Variants in HEATR3 observed in about 807,000 individuals in gnomAD.
HEATR3 encodes HEAT repeat containing 3.
In HEATR3, 56 loss-of-function variants were observed where a neutral mutation model predicts 72.8. That is an observed-to-expected ratio of 0.77 (90% CI 0.62 to 0.96). The LOEUF is 0.96. HEATR3 is among the 40% of genes least tolerant of loss of function. The pLI, the probability that HEATR3 is intolerant of heterozygous loss-of-function variation, is 0.00. For synonymous variants in HEATR3, 331 were observed against 318.1 expected (o/e 1.04, Z -0.43); for missense variants, 747 against 831.4 (o/e 0.90, Z 1.25).
chr16:50,086,896 T>A (rs1470206424), intron 11 of HEATR3, among the ~76,000 whole-genome samples: 2 of 152,170 alleles, frequency 1.3e-5, no homozygotes, highest in African/African-American at 4.8e-5. Flanking sequence ...GCCATTGCAC[T>A]CCAGCCTGGG....
At chr16:50,067,246 T>C (rs1364206225) in intron 2 of HEATR3, among the ~76,000 whole-genome samples, 1 of 151,728 alleles carries the variant, frequency 6.6e-6, no homozygotes, top group Non-Finnish European at 1.5e-5. Flanking sequence ...TCCCAGCTAC[T>C]CAGGAGGCTG....
chr16:50,083,796 C>G (rs2036923167), intron 7 of HEATR3, 141 bp from the exon 8 acceptor site: 1 of 662,138 alleles, frequency 1.5e-6, no homozygotes, highest in South Asian at 2.0e-5. Flanking sequence ...CACTTCATGA[C>G]TTTTCTTTTA....
At chr16:50,094,665 T>G in intron 11 of HEATR3, 40 bp from the exon 12 acceptor site, 1 of 1,257,854 alleles carries the variant, frequency 8.0e-7, no homozygotes, top group Non-Finnish European at 1.1e-6. Flanking sequence ...TAGCCTATCT[T>G]GGAGAAATGC....
chr16:50,094,769 A>T lies in HEATR3; in HGVS notation c.1575A>T (p.Thr525=). ...GTGCTTTGAGGGCCCTTTTGCAAAC[A>T]ATGGCCTCCAAGAACATTTCCCAGG... The part of the protein sequence containing the change: ...ISSALRALLQ[T]MASKNISQCM... The change falls in exon 12 of 15, where the codon ACA becomes ACT. Residue 525 remains threonine (T), a synonymous_variant. Transcript: ENST00000299192. 6.3e-7 allele frequency: 1 copy of T among 1,597,526 alleles called. No individual in the cohort carries two copies.
chr16:50,094,743 A>G lies in HEATR3; in HGVS notation c.1549A>G (p.Ser517Gly). Residue 517 changes from serine (S) to glycine (G), a missense_variant, in exon 12 of 15, where the codon AGT (serine) becomes GGT (glycine). Around this residue, in one of 2 missense-constraint regions of HEATR3, gnomAD observed 586 missense variants for 708.8 expected, o/e 0.83. Coordinates refer to ENST00000299192, the MANE Select transcript of HEATR3 (RefSeq NM_182922.4). Reference sequence around the variant, plus strand: ...TGTTGACTTTCTAGAAGCCATAAGTAGTGCTTTGAGGGCCCTTTTGCAAAC... The same window carrying G: ...TGTTGACTTTCTAGAAGCCATAAGTGGTGCTTTGAGGGCCCTTTTGCAAAC... ...KHVDFLEAIS[S>G]ALRALLQTMA... is the part of the protein sequence containing the mutation. The G allele has an allele frequency of 6.3e-7, 1 of 1,594,696 alleles. No homozygotes were observed. The highest frequency in any genetic ancestry group is 8.5e-7 in the Non-Finnish European group (1 of 1,172,718).
chr16:50,082,798 T>G (rs1469205352), intron 7 of HEATR3, among the ~76,000 whole-genome samples: 1 of 151,764 alleles, frequency 6.6e-6, no homozygotes, highest in African/African-American at 2.4e-5. Context: ...TTTCTTTTTC[T>G]TTTTCTTTTT....
At chr16:50,077,084 C>G (rs8044237) in intron 6 of HEATR3, among the ~76,000 whole-genome samples, 10,023 of 152,036 alleles carry the variant, frequency 0.066, 451 homozygotes, top group Middle Eastern at 0.14. Context: ...CTGTGTTAGC[C>G]AGGATGGTCT....
At chr16:50,068,366 CT>C (rs2036543629) in intron 2 of HEATR3, among the ~76,000 whole-genome samples, 1 of 152,086 alleles carries the variant, frequency 6.6e-6, no homozygotes, top group Non-Finnish European at 1.5e-5. Flanking sequence ...TCTTGAATTC[CT>C]GAGCTCAATT....
chr16:50,106,583 C>T lies in HEATR3; in HGVS notation c.*1522C>T, dbSNP rs1294818710. The stretch of plus-strand genomic sequence containing the variant: ...GAAGTACTAGGTGACAGCTGGGGCT[C>T]GAGGGAGTTTCCCTGTGCATCATTG... On this transcript the variant is annotated 3_prime_UTR_variant, in exon 15 of 15. Coordinates refer to ENST00000299192, the MANE Select transcript of HEATR3 (RefSeq NM_182922.4). 1 of 151,934 alleles carries T rather than the reference C, an allele frequency of 6.6e-6. No individual in the cohort carries two copies. Among genetic ancestry groups the T allele is most frequent in the Non-Finnish European group, 1.5e-5 (1 of 68,018 alleles). The allele number at this position is 151,934 out of a possible 1,614,324, so 9.4% of individuals were successfully genotyped here.
At chr16:50,088,442 G>A (rs1341106331) in intron 11 of HEATR3, among the ~76,000 whole-genome samples, 1 of 152,158 alleles carries the variant, frequency 6.6e-6, no homozygotes, top group Admixed American at 6.6e-5. Flanking sequence ...CATGAAAGCT[G>A]TGCCCAGCCA....
Position 50,068,927 on chromosome 16 carries a change from T to C in HEATR3, c.399+60T>C, listed in dbSNP as rs570395289. On this transcript the variant is annotated intron_variant, in intron 3 of 14. Coordinates refer to ENST00000299192, the MANE Select transcript of HEATR3 (RefSeq NM_182922.4). ...TTGGGATGCAAACTTAGACTTTTTT[T>C]AGTACTTTGGTGTTGGTGACTTTGT... 3.1e-4 allele frequency: 391 copies of C among 1,268,346 alleles called. 3 individuals are homozygous for C. The highest frequency in any genetic ancestry group is 2.6e-4 in the Non-Finnish European group (230 of 881,564). The allele number at this position is 1,268,346 out of a possible 1,614,324, so 78.6% of individuals were successfully genotyped here. A position where few individuals can be genotyped will look rare whatever the true frequency, so the allele number is the denominator to read the frequency against.
intron 6 of HEATR3, among the ~76,000 whole-genome samples, 200 bp downstream of exon 6, chr16:50,075,911 C>A (rs2036717515): frequency 6.6e-6 from 1 of 152,112 alleles, no homozygotes; most frequent in African/African-American, 2.4e-5. Context: ...AGATTTGTTT[C>A]GAATTTAACA....
intron 11 of HEATR3, among the ~76,000 whole-genome samples, chr16:50,089,745 T>G (rs970257605): frequency 6.6e-6 from 1 of 152,116 alleles, no homozygotes; most frequent in Non-Finnish European, 1.5e-5. Flanking sequence ...CTTGGCTCAC[T>G]GCAATTTCTG....
At chr16:50,071,704 G>A (rs2036614885) in intron 4 of HEATR3, among the ~76,000 whole-genome samples, 1 of 152,146 alleles carries the variant, frequency 6.6e-6, no homozygotes, top group Non-Finnish European at 1.5e-5. Flanking sequence ...AGGTAGGTAG[G>A]TAGATAGAAG....
In HEATR3 at chr16:50,075,775, G is replaced by A. The variant is rs2036714074; in HGVS notation, c.763+64G>A. On this transcript the variant is annotated intron_variant, in intron 6 of 14. Coordinates refer to ENST00000299192, the MANE Select transcript of HEATR3 (RefSeq NM_182922.4). ...AGCTTTTGGTATGGATGTGGTGGGG[G>A]CAAAATTTAGTCATTCATTTCAACA... 1.1e-5 allele frequency: 16 copies of A among 1,401,346 alleles called. 1 individual carries two copies. The South Asian group carries it at 1.5e-4, about 13-fold the overall frequency. The allele number at this position is 1,401,346 out of a possible 1,614,324, so 86.8% of individuals were successfully genotyped here.
intron 11 of HEATR3, among the ~76,000 whole-genome samples, chr16:50,094,456 G>C (rs1027191937): frequency 6.6e-6 from 1 of 152,154 alleles, no homozygotes; most frequent in African/African-American, 2.4e-5. Context: ...TGGAAGTCAA[G>C]GACTGTCTGT....
intron 13 of HEATR3, among the ~76,000 whole-genome samples, chr16:50,101,617 C>G (rs946330642): frequency 1.3e-5 from 2 of 152,206 alleles, no homozygotes; most frequent in East Asian, 1.9e-4. Context: ...GATCAGTTGT[C>G]CAATATAGTG....
intron 10 of HEATR3, among the ~76,000 whole-genome samples, chr16:50,085,325 A>T (rs1597157298): frequency 1.3e-5 from 2 of 152,140 alleles, no homozygotes; most frequent in South Asian, 4.1e-4. Flanking sequence ...GTCACATTTC[A>T]CAATTAAAAA....
Position 50,083,929 on chromosome 16 carries a change from T to G in HEATR3, c.1042-8T>G. 6.3e-7 allele frequency: 1 copy of G among 1,586,364 alleles called. No individual in the cohort carries two copies. The highest frequency in any genetic ancestry group is 8.5e-7 in the Non-Finnish European group (1 of 1,172,038). On this transcript the variant is annotated splice_polypyrimidine_tract_variant and splice_region_variant and intron_variant, in intron 7 of 14. Transcript: ENST00000299192. Reference sequence around the variant, plus strand: ...AGTTGGTCATTTACTTTTTTTTTTTTTTTTAAGCCCACTGACAAGGAACTG... The same window carrying G: ...AGTTGGTCATTTACTTTTTTTTTTTGTTTTAAGCCCACTGACAAGGAACTG...
Sources: allele counts gnomAD v4.1 joint callset (sites outside exome capture counted in the v4.1 genomes callset), GRCh38; gene constraint gnomAD v4.1.1; regional missense constraint gnomAD v4.1.1; transcripts MANE v1.5; gene names NCBI Gene and HGNC (gene_info 2026-07-23, HGNC 2026-07-21).